The following MLLT3 variants were observed in gnomAD, a reference collection of about 807,000 sequenced individuals.
MLLT3 encodes the protein protein AF-9.
A neutral mutation model predicts 53.2 loss-of-function variants in MLLT3; 4 were observed. The observed-to-expected ratio is 0.08, with a 90% CI of 0.04 to 0.17. The LOEUF is 0.17. Among genes scored for constraint, MLLT3 ranks in the 10% least tolerant of loss-of-function variants. The probability of loss-of-function intolerance (pLI) is 1.00; values close to 1 mark genes in which losing one functional copy is unlikely to be tolerated. For missense variants in MLLT3, 569 were observed against 684.0 expected (o/e 0.83, Z 1.87); for synonymous variants, 283 against 230.6 (o/e 1.23, Z -2.06).
chr9:20,378,718 A>C (rs1252799757), intron 5 of MLLT3, among the ~76,000 whole-genome samples: 1 of 152,082 alleles, frequency 6.6e-6, no homozygotes, highest in African/African-American at 2.4e-5. Flanking sequence ...ACTTCTATTT[A>C]AAATGTTAAG....
At chr9:20,421,015 G>A (rs1368763405) in intron 4 of MLLT3, among the ~76,000 whole-genome samples, 3 of 152,150 alleles carry the variant, frequency 2.0e-5, no homozygotes, top group African/African-American at 7.2e-5. Context: ...TGTAATCCCA[G>A]CACTTTGGGA....
At chr9:20,372,917 T>C (rs546339461) in intron 5 of MLLT3, among the ~76,000 whole-genome samples, 1 of 152,308 alleles carries the variant, frequency 6.6e-6, no homozygotes, top group Middle Eastern at 3.4e-3. Flanking sequence ...CCATATAGCA[T>C]AAATATAACT....
At chr9:20,463,710 G>T (rs933159832) in intron 2 of MLLT3, among the ~76,000 whole-genome samples, 6 of 152,140 alleles carry the variant, frequency 3.9e-5, no homozygotes, top group Admixed American at 3.9e-4. Context: ...TTCAGAGAAG[G>T]TTCAACCTAG....
chr9:20,512,755 G>C (rs567176458), intron 2 of MLLT3, among the ~76,000 whole-genome samples: 1 of 152,248 alleles, frequency 6.6e-6, no homozygotes, highest in East Asian at 1.9e-4. Flanking sequence ...AAATAGCTAT[G>C]ACCATCACCA....
chr9:20,622,423 C>T lies in MLLT3; in HGVS notation c.-167G>A. On this transcript the variant is annotated 5_prime_UTR_variant, in exon 1 of 11. Transcript: ENST00000380338. ...TTTTCCCCCCGCGCTCGCTTGCTCG[C>T]TCGCTCGCTTATTAAACTCAGCCCC... 3.2e-6 allele frequency: 2 copies of T among 619,092 alleles called. No individual in the cohort carries two copies. Among genetic ancestry groups the T allele is most frequent in the Non-Finnish European group, 5.5e-6 (2 of 362,508 alleles). The allele number at this position is 619,092 out of a possible 1,614,324, so 38.3% of individuals were successfully genotyped here. A position where few individuals can be genotyped will look rare whatever the true frequency, so the allele number is the denominator to read the frequency against.
chr9:20,399,406 T>C (rs1252859014), intron 5 of MLLT3, among the ~76,000 whole-genome samples: 1 of 152,094 alleles, frequency 6.6e-6, no homozygotes, highest in Non-Finnish European at 1.5e-5. Flanking sequence ...AGCTGTGAGA[T>C]TAGAAAATTA....
chr9:20,501,728 G>A (rs953832513), intron 2 of MLLT3, among the ~76,000 whole-genome samples: 23 of 143,948 alleles, frequency 1.6e-4, no homozygotes, highest in Admixed American at 1.4e-3. Context: ...TCCGCAGTCC[G>A]GCCTGGGCGA....
rs73648223 is a variant in MLLT3, at chr9:20,507,428, T to A, written c.194-50642A>T. Among the ~76,000 whole-genome samples the A allele has an allele frequency of 8.5e-3, 1,290 of 152,240 alleles. 19 individuals carry two copies. The highest frequency in any genetic ancestry group is 0.029 in the African/African-American group (1,215 of 41,526). On this transcript the variant is annotated intron_variant, in intron 2 of 10. Coordinates refer to ENST00000380338, the MANE Select transcript of MLLT3 (RefSeq NM_004529.4). ...AGGCTCAAAACTTCCTTCATTTTTT[T>A]AAAATGAGAATGTTAACCCTACAAA...
intron 5 of MLLT3, among the ~76,000 whole-genome samples, chr9:20,393,224 A>G (rs762857388): frequency 1.5e-4 from 23 of 152,174 alleles, no homozygotes; most frequent in Non-Finnish European, 1.0e-4. Flanking sequence ...AAATAAAGAA[A>G]TTAGGATTGT....
intron 2 of MLLT3, among the ~76,000 whole-genome samples, chr9:20,530,175 C>T (rs1412990766): frequency 6.6e-6 from 1 of 152,122 alleles, no homozygotes; most frequent in Non-Finnish European, 1.5e-5. Flanking sequence ...TGAATAACTG[C>T]AAAGGTGGCA....
intron 2 of MLLT3, among the ~76,000 whole-genome samples, chr9:20,475,722 C>A (rs377111656): frequency 6.6e-6 from 1 of 152,232 alleles, no homozygotes; most frequent in East Asian, 1.9e-4. Flanking sequence ...TCACATTTGA[C>A]TTCCATTACA....
At chr9:20,585,376 C>G (rs1819925883) in intron 2 of MLLT3, among the ~76,000 whole-genome samples, 1 of 152,198 alleles carries the variant, frequency 6.6e-6, no homozygotes. Flanking sequence ...TCCACAAAGG[C>G]TCTATCTACA....
intron 2 of MLLT3, among the ~76,000 whole-genome samples, chr9:20,479,939 C>G (rs1480933074): frequency 6.6e-6 from 1 of 152,050 alleles, no homozygotes; most frequent in Non-Finnish European, 1.5e-5. Context: ...TAGAAATTAC[C>G]TAATGTCCAT....
At chr9:20,381,459 G>C (rs146931151) in intron 5 of MLLT3, among the ~76,000 whole-genome samples, 2 of 151,074 alleles carry the variant, frequency 1.3e-5, no homozygotes, top group African/African-American at 4.9e-5. Context: ...GTGTAAAAAA[G>C]CACCTAACTC....
At chr9:20,599,202 G>A (rs1229135976) in intron 2 of MLLT3, among the ~76,000 whole-genome samples, 5 of 151,770 alleles carry the variant, frequency 3.3e-5, no homozygotes, top group Non-Finnish European at 7.4e-5. Context: ...TACTCAGGAA[G>A]CTGAGACAGG....
At chr9:20,566,464 C>A (rs2131158686) in intron 2 of MLLT3, among the ~76,000 whole-genome samples, 1 of 152,222 alleles carries the variant, frequency 6.6e-6, no homozygotes, top group African/African-American at 2.4e-5. Flanking sequence ...AGAGTCCTCT[C>A]CTCTCCCTCC....
chr9:20,357,979 GCGCACACACACACACACACACA>G (rs909923640), intron 8 of MLLT3, among the ~76,000 whole-genome samples: 1,716 of 137,878 alleles, frequency 0.012, 34 homozygotes, highest in African/African-American at 0.045. Context: ...CCTCCCTCCT[GCGCACACACACACACACACACA>G]CACACACACA....
intron 2 of MLLT3, among the ~76,000 whole-genome samples, chr9:20,477,511 C>CTATCACCTTTATGTGAGCT (rs1369037500): frequency 1.3e-5 from 2 of 152,114 alleles, no homozygotes; most frequent in African/African-American, 4.8e-5. Flanking sequence ...AGCTGACAAC[C>CTATCACCTTTATGTGAGCT]TATCACCTTT....
At chr9:20,404,167 C>G (rs182736783) in intron 5 of MLLT3, among the ~76,000 whole-genome samples, 10 of 152,262 alleles carry the variant, frequency 6.6e-5, no homozygotes, top group African/African-American at 2.4e-4. Context: ...AAAGATTCTG[C>G]TTTTATTCCC....
Sources: allele counts gnomAD v4.1 joint callset (sites outside exome capture counted in the v4.1 genomes callset), GRCh38; gene constraint gnomAD v4.1.1; transcripts MANE v1.5; gene names NCBI Gene and HGNC (gene_info 2026-07-23, HGNC 2026-07-21).